The following OR5L2 variants were observed in gnomAD, a reference collection of about 807,000 sequenced individuals.
The protein encoded by OR5L2 is olfactory receptor 5L2.
For synonymous variants in OR5L2, 175 were observed against 151.6 expected (o/e 1.15, Z -1.13); for missense variants, 425 against 365.6 (o/e 1.16, Z -1.32).
Position 55,827,606 on chromosome 11 carries a change from C to A in OR5L2, c.388C>A (p.Leu130Met), listed in dbSNP as rs752730713. 2 of 1,613,816 alleles carry A rather than the reference C, an allele frequency of 1.2e-6. No individual in the cohort carries two copies. Among genetic ancestry groups the A allele is most frequent in the South Asian group, 1.1e-5 (1 of 91,088 alleles). The stretch of plus-strand genomic sequence containing the variant: ...CCGCTTTGTGGCCATCTGTAACCCC[C>A]TGCTGTACATGGTGACCATGTCTCA... ...YDRFVAICNPLLYMVTMSQKL... is the reference protein window; with the variant it reads ...YDRFVAICNPMLYMVTMSQKL... The change falls in exon 1 of 1, where the codon CTG becomes ATG. Residue 130 changes from leucine to methionine, a missense_variant. Coordinates refer to ENST00000378397, the MANE Select transcript of OR5L2 (RefSeq NM_001004739.1).
rs756858065 is a variant in OR5L2, at chr11:55,827,884, C to T, written c.666C>T (p.Leu222=). The T allele has an allele frequency of 3.7e-6, 6 of 1,613,824 alleles. No individual in the cohort carries two copies. The highest frequency in any genetic ancestry group is 8.5e-7 in the Non-Finnish European group (1 of 1,180,004). Residue 222 remains leucine, a synonymous_variant, in exon 1 of 1, where the codon CTC becomes CTT. Coordinates refer to ENST00000378397, the MANE Select transcript of OR5L2 (RefSeq NM_001004739.1). ...MIILTSYLLI[L]TTILKIHSAE... ...TCCTCACCTCCTACCTGCTAATTCT[C>T]ACCACTATCCTGAAGATACACTCTG...
chr11:55,827,291 G>A lies in OR5L2; in HGVS notation c.73G>A (p.Val25Ile), dbSNP rs931581751. ...ACTATCAGATGTCCCTGAGTTGAGAGTCTGCCTCTTCCTGCTGTTCCTTCT... is the reference window on the plus strand; with the variant it reads ...ACTATCAGATGTCCCTGAGTTGAGAATCTGCCTCTTCCTGCTGTTCCTTCT... ...LGLSDVPELR[V>I]CLFLLFLLIY... The change falls in exon 1 of 1, where the codon GTC (valine) becomes ATC (isoleucine). Residue 25 changes from valine (V) to isoleucine (I), a missense_variant. Transcript: ENST00000378397. 6.8e-6 allele frequency: 11 copies of A among 1,613,794 alleles called. No individual in the cohort carries two copies. The highest frequency in any genetic ancestry group is 1.3e-5 in the African/African-American group (1 of 74,732).
Position 55,827,574 on chromosome 11 carries a change from C to G in OR5L2, c.356C>G (p.Ala119Gly), listed in dbSNP as rs1853905549. ...VTEVFLLAVM[A>G]YDRFVAICNP... ...GAGGTCTTCCTGCTGGCCGTGATGG[C>G]CTATGACCGCTTTGTGGCCATCTGT... Residue 119 changes from alanine to glycine, a missense_variant, in exon 1 of 1, where the codon GCC becomes GGC. Coordinates refer to ENST00000378397, the MANE Select transcript of OR5L2 (RefSeq NM_001004739.1). 1 of 1,613,904 alleles carries G rather than the reference C, an allele frequency of 6.2e-7. No homozygotes were observed. The highest frequency in any genetic ancestry group is 8.5e-7 in the Non-Finnish European group (1 of 1,179,980).
At position 55,828,076 on chromosome 11, in the gene OR5L2, C is replaced by T. The variant is rs139242686; in HGVS notation, c.858C>T (p.Asn286=). 2.8e-3 allele frequency: 4,598 copies of T among 1,613,634 alleles called. 8 individuals are homozygous for T. Among genetic ancestry groups the T allele is most frequent in the Non-Finnish European group, 3.5e-3 (4,111 of 1,179,818 alleles). ...ACACAGTTGTGATTCCCATGCTGAA[C>T]CCCCTGATCTACAGCCTGAGAAATA... ...VFYTVVIPML[N]PLIYSLRNKD... The change falls in exon 1 of 1, where the codon AAC becomes AAT. Residue 286 remains asparagine (N), a synonymous_variant. Coordinates refer to ENST00000378397, the MANE Select transcript of OR5L2 (RefSeq NM_001004739.1).
Position 55,828,072 on chromosome 11 carries a change from TG to T in OR5L2, c.855del (p.Asn286ThrfsTer3). The T allele has an allele frequency of 6.2e-7, 1 of 1,613,822 alleles. No homozygotes were observed. Among genetic ancestry groups the T allele is most frequent in the Non-Finnish European group, 8.5e-7 (1 of 1,179,910 alleles). ...TVFYTVVIPM[L>X]NPLIYSLRNK... Reference sequence around the variant, plus strand: ...TTCTACACAGTTGTGATTCCCATGCTGAACCCCCTGATCTACAGCCTGAGAA... The same window carrying T: ...TTCTACACAGTTGTGATTCCCATGCTAACCCCCTGATCTACAGCCTGAGAA... On this transcript the variant is annotated frameshift_variant, in exon 1 of 1. Coordinates refer to ENST00000378397, the MANE Select transcript of OR5L2 (RefSeq NM_001004739.1). LOFTEE classifies it low-confidence loss of function (END_TRUNC).
chr11:55,827,990 A>T lies in OR5L2; in HGVS notation c.772A>T (p.Ile258Phe). 6.2e-7 allele frequency: 1 copy of T among 1,613,774 alleles called. No individual in the cohort carries two copies. Among genetic ancestry groups the T allele is most frequent in the African/African-American group, 1.3e-5 (1 of 74,832 alleles). ...TGTCTCCCATGGAACAATCCTTTAC[A>T]TTTATTGCAGGCCGAGTTCAGGCAA... ...ITVSHGTILY[I>F]YCRPSSGNSG... Residue 258 changes from isoleucine to phenylalanine, a missense_variant, in exon 1 of 1, where the codon ATT becomes TTT. Transcript: ENST00000378397.
At position 55,827,534 on chromosome 11, in the gene OR5L2, A is replaced by T. The variant is rs751673868; in HGVS notation, c.316A>T (p.Thr106Ser). Residue 106 changes from threonine to serine, a missense_variant, in exon 1 of 1, where the codon ACA (threonine) becomes TCA (serine). Thr to Ser is a moderately conservative substitution (Grantham distance 58, BLOSUM62 1). Coordinates refer to ENST00000378397, the MANE Select transcript of OR5L2 (RefSeq NM_001004739.1). ...GCMVQFYLFC[T>S]CGVTEVFLLA... ...CATGGTGCAATTCTACTTGTTTTGC[A>T]CATGTGGAGTCACTGAGGTCTTCCT... 16 of 1,606,938 alleles carry T rather than the reference A, an allele frequency of 1.0e-5. No homozygotes were observed. Among genetic ancestry groups the T allele is most frequent in the Non-Finnish European group, 1.4e-5 (16 of 1,174,120 alleles).
chr11:55,827,490 C>G lies in OR5L2; in HGVS notation c.272C>G (p.Ala91Gly), dbSNP rs2134474837. 6.2e-7 allele frequency: 1 copy of G among 1,613,878 alleles called. No individual in the cohort carries two copies. Among genetic ancestry groups the G allele is most frequent in the Non-Finnish European group, 8.5e-7 (1 of 1,179,986 alleles). The change falls in exon 1 of 1, where the codon GCC (alanine) becomes GGC (glycine). Residue 91 changes from alanine (A) to glycine (G), a missense_variant. Transcript: ENST00000378397. ...GCTAATATCTTTAACAAGGACAAAG[C>G]CATCTCCTTCCTAGGGTGCATGGTG... ...MLANIFNKDK[A>G]ISFLGCMVQF...
Position 55,827,674 on chromosome 11 carries a change from G to C in OR5L2, c.456G>C (p.Gly152=). The change falls in exon 1 of 1, where the codon GGG becomes GGC. Residue 152 remains glycine, a synonymous_variant. Transcript: ENST00000378397. ...VELTSCCYFC[G]TVCSLIHSSL... ...TGACCTCTTGCTGCTACTTCTGTGG[G>C]ACGGTGTGTTCTCTGATTCACTCGT... 1.2e-6 allele frequency: 2 copies of C among 1,613,770 alleles called. No homozygotes were observed. The highest frequency in any genetic ancestry group is 2.7e-5 in the African/African-American group (2 of 74,750).
In OR5L2 at chr11:55,827,335, G is replaced by T; in HGVS notation, c.117G>T (p.Leu39Phe). ...LLFLLIYGVT[L>F]LANLGMTALI... ...TCCTTCTCATCTATGGAGTCACGTT[G>T]TTAGCCAATCTGGGCATGACTGCAC... is the stretch of plus-strand genomic sequence containing the variant. The change falls in exon 1 of 1, where the codon TTG becomes TTT. Residue 39 changes from leucine to phenylalanine, a missense_variant. Coordinates refer to ENST00000378397, the MANE Select transcript of OR5L2 (RefSeq NM_001004739.1). 1.9e-6 allele frequency: 3 copies of T among 1,613,910 alleles called. No homozygotes were observed. The East Asian group carries it at 6.7e-5, about 36-fold the overall frequency.
Position 55,827,975 on chromosome 11 carries a change from G to T in OR5L2, c.757G>T (p.Gly253Ter). Reference sequence around the variant, plus strand: ...CCTCACAGCCATCACTGTCTCCCATGGAACAATCCTTTACATTTATTGCAG... The same window carrying T: ...CCTCACAGCCATCACTGTCTCCCATTGAACAATCCTTTACATTTATTGCAG... ...SHLTAITVSH[G>*]TILYIYCRPS... Residue 253 changes from glycine to a stop codon, truncating the protein, a stop_gained, in exon 1 of 1, where the codon GGA (glycine) becomes TGA (stop). Transcript: ENST00000378397. LOFTEE classifies it low-confidence loss of function (END_TRUNC). 6.2e-7 allele frequency: 1 copy of T among 1,613,764 alleles called. No individual in the cohort carries two copies. Among genetic ancestry groups the T allele is most frequent in the Non-Finnish European group, 8.5e-7 (1 of 1,179,966 alleles).
chr11:55,827,653 C>T lies in OR5L2; in HGVS notation c.435C>T (p.Thr145=), dbSNP rs1393697802. 21 of 1,613,800 alleles carry T rather than the reference C, an allele frequency of 1.3e-5. No homozygotes were observed. Among genetic ancestry groups the T allele is most frequent in the Non-Finnish European group, 1.6e-5 (19 of 1,180,004 alleles). Residue 145 remains threonine, a synonymous_variant, in exon 1 of 1, where the codon ACC becomes ACT. Transcript: ENST00000378397. ...TMSQKLRVEL[T]SCCYFCGTVC... ...CTCAGAAGCTGCGTGTGGAGCTGAC[C>T]TCTTGCTGCTACTTCTGTGGGACGG...
At position 55,827,640 on chromosome 11, in the gene OR5L2, G is replaced by T; in HGVS notation, c.422G>T (p.Arg141Leu). The T allele has an allele frequency of 6.2e-7, 1 of 1,613,696 alleles. No individual in the cohort carries two copies. The highest frequency in any genetic ancestry group is 8.5e-7 in the Non-Finnish European group (1 of 1,179,946). Residue 141 changes from arginine (R) to leucine (L), a missense_variant, in exon 1 of 1, where the codon CGT (arginine) becomes CTT (leucine). Physicochemically the swap from Arg to Leu is moderately radical, Grantham distance 102 (BLOSUM62 -2). Coordinates refer to ENST00000378397, the MANE Select transcript of OR5L2 (RefSeq NM_001004739.1). ...ATGGTGACCATGTCTCAGAAGCTGC[G>T]TGTGGAGCTGACCTCTTGCTGCTAC... is the stretch of plus-strand genomic sequence containing the variant. ...LYMVTMSQKL[R>L]VELTSCCYFC...
Position 55,827,409 on chromosome 11 carries a change from G to A in OR5L2, c.191G>A (p.Ser64Asn), listed in dbSNP as rs767268509. Residue 64 changes from serine (S) to asparagine (N), a missense_variant, in exon 1 of 1, where the codon AGC becomes AAC. Coordinates refer to ENST00000378397, the MANE Select transcript of OR5L2 (RefSeq NM_001004739.1). ...CACACCCCCGTGTACTTTTTCCTCA[G>A]CCACTTGTCCTTTGTAGATTTCTGC... ...RLHTPVYFFL[S>N]HLSFVDFCYS... 4.3e-6 allele frequency: 7 copies of A among 1,613,944 alleles called. No homozygotes were observed. The South Asian group carries it at 7.7e-5, about 18-fold the overall frequency.
chr11:55,828,082 G>T lies in OR5L2; in HGVS notation c.864G>T (p.Leu288=). ...YTVVIPMLNP[L]IYSLRNKDVN... ...TTGTGATTCCCATGCTGAACCCCCTGATCTACAGCCTGAGAAATAAGGATG... is the reference window on the plus strand; with the variant it reads ...TTGTGATTCCCATGCTGAACCCCCTTATCTACAGCCTGAGAAATAAGGATG... Residue 288 remains leucine (L), a synonymous_variant, in exon 1 of 1, where the codon CTG becomes CTT. Coordinates refer to ENST00000378397, the MANE Select transcript of OR5L2 (RefSeq NM_001004739.1). The T allele has an allele frequency of 6.2e-7, 1 of 1,613,742 alleles. No individual in the cohort carries two copies. The highest frequency in any genetic ancestry group is 8.5e-7 in the Non-Finnish European group (1 of 1,179,886).
At position 55,827,364 on chromosome 11, in the gene OR5L2, T is replaced by C. The variant is rs374230538; in HGVS notation, c.146T>C (p.Ile49Thr). ...LLANLGMTAL[I>T]QVSSRLHTPV... Reference sequence around the variant, plus strand: ...GCCAATCTGGGCATGACTGCACTGATTCAGGTCAGCTCTCGGCTCCACACC... The same window carrying C: ...GCCAATCTGGGCATGACTGCACTGACTCAGGTCAGCTCTCGGCTCCACACC... Residue 49 changes from isoleucine to threonine, a missense_variant, in exon 1 of 1, where the codon ATT becomes ACT. By Grantham distance (89) the Ile-to-Thr change is moderately conservative. Transcript: ENST00000378397. 2.5e-5 allele frequency: 40 copies of C among 1,613,880 alleles called. No homozygotes were observed. The African/African-American group carries it at 4.1e-4, about 17-fold the overall frequency.
rs2134474479 is a variant in OR5L2 at position 55,827,396 on chromosome 11, T to A, written c.178T>A (p.Tyr60Asn). Residue 60 changes from tyrosine (Y) to asparagine (N), a missense_variant, in exon 1 of 1, where the codon TAC becomes AAC. Transcript: ENST00000378397. Reference protein sequence around the residue: ...QVSSRLHTPVYFFLSHLSFVD... With the variant: ...QVSSRLHTPVNFFLSHLSFVD... ...CAGCTCTCGGCTCCACACCCCCGTGTACTTTTTCCTCAGCCACTTGTCCTT... is the reference window on the plus strand; with the variant it reads ...CAGCTCTCGGCTCCACACCCCCGTGAACTTTTTCCTCAGCCACTTGTCCTT... 6.2e-7 allele frequency: 1 copy of A among 1,614,040 alleles called. No individual in the cohort carries two copies. Among genetic ancestry groups the A allele is most frequent in the African/African-American group, 1.3e-5 (1 of 74,930 alleles).
rs776219312 is a variant in OR5L2 at position 55,827,385 on chromosome 11, A to T, written c.167A>T (p.His56Leu). ...TALIQVSSRL[H>L]TPVYFFLSHL... The stretch of plus-strand genomic sequence containing the variant: ...CTGATTCAGGTCAGCTCTCGGCTCC[A>T]CACCCCCGTGTACTTTTTCCTCAGC... The change falls in exon 1 of 1, where the codon CAC (histidine) becomes CTC (leucine). Residue 56 changes from histidine to leucine, a missense_variant. Physicochemically the swap from His to Leu is moderately conservative, Grantham distance 99. Coordinates refer to ENST00000378397, the MANE Select transcript of OR5L2 (RefSeq NM_001004739.1). 6.2e-7 allele frequency: 1 copy of T among 1,609,384 alleles called. No individual in the cohort carries two copies. Among genetic ancestry groups the T allele is most frequent in the African/African-American group, 1.3e-5 (1 of 74,722 alleles).
chr11:55,827,902 A>G lies in OR5L2; in HGVS notation c.684A>G (p.Ile228Met), dbSNP rs981739598. The G allele has an allele frequency of 3.1e-6, 5 of 1,613,804 alleles. No homozygotes were observed. Among genetic ancestry groups the G allele is most frequent in the African/African-American group, 2.7e-5 (2 of 74,758 alleles). ...YLLILTTILK[I>M]HSAESRHKAF... The stretch of plus-strand genomic sequence containing the variant: ...TAATTCTCACCACTATCCTGAAGAT[A>G]CACTCTGCAGAGAGCAGGCACAAAG... The change falls in exon 1 of 1, where the codon ATA becomes ATG. Residue 228 changes from isoleucine to methionine, a missense_variant. Ile to Met is a conservative substitution (Grantham distance 10). Transcript: ENST00000378397.
Sources: allele counts gnomAD v4.1 joint callset, GRCh38; gene constraint gnomAD v4.1.1; transcripts MANE v1.5; gene names NCBI Gene and HGNC (gene_info 2026-07-23, HGNC 2026-07-21).